The following GEMIN5 variants were observed in gnomAD, a reference collection of about 807,000 sequenced individuals.
GEMIN5 encodes the protein gem nuclear organelle associated protein 5, also known as gem-associated protein 5.
Under a neutral mutation model 176.9 loss-of-function variants are expected in GEMIN5, and 124 were observed. That is an observed-to-expected ratio of 0.70 (90% CI 0.61 to 0.81). The LOEUF is 0.81. Among genes scored for constraint, GEMIN5 ranks in the 40% least tolerant of loss-of-function variants. The probability of loss-of-function intolerance (pLI) is 0.00; values close to 1 mark genes in which losing one functional copy is unlikely to be tolerated. For synonymous variants in GEMIN5, 673 were observed against 665.2 expected, an observed-to-expected ratio of 1.01 and a Z score of -0.18; for missense variants, 1,843 against 1,814.6, an observed-to-expected ratio of 1.02 and a Z score of -0.28.
In GEMIN5 at chr5:154,924,540, T is replaced by G. The variant is rs775881622; in HGVS notation, c.1308A>C (p.Pro436=). ...CAAAAGCTAAGCAACCTTCCTTGGT[T>G]GGGTGCCAGCACAGCTACAAAAAAA... ...KSKVTALCWH[P]TKEGCLAFGT... The change falls in exon 9 of 28, where the codon CCA becomes CCC. Residue 436 remains proline, a synonymous_variant. Transcript: ENST00000285873. 6.2e-7 allele frequency: 1 copy of G among 1,611,262 alleles called. No individual in the cohort carries two copies. Among genetic ancestry groups the G allele is most frequent in the South Asian group, 1.1e-5 (1 of 91,038 alleles).
At chr5:154,901,517 A>C (rs1763465225) in intron 20 of GEMIN5, 31 bp from the exon 21 acceptor site, 2 of 1,610,324 alleles carry the variant, frequency 1.2e-6, no homozygotes, top group East Asian at 4.5e-5. Context: ...GGTTAAAAAA[A>C]CAGTTGAAGA....
intron 6 of GEMIN5, among the ~76,000 whole-genome samples, chr5:154,928,017 A>G (rs369154548): frequency 6.6e-6 from 1 of 152,132 alleles, no homozygotes; most frequent in Non-Finnish European, 1.5e-5. Context: ...TTAATCACAG[A>G]AAGGGGAACC....
intron 15 of GEMIN5, among the ~76,000 whole-genome samples, chr5:154,911,031 T>A (rs1188798143): frequency 6.6e-6 from 1 of 152,138 alleles, no homozygotes; most frequent in African/African-American, 2.4e-5. Context: ...TGTCCCAGAT[T>A]TGGTCAGTGG....
chr5:154,893,268 A>C (rs1763277468), intron 24 of GEMIN5, among the ~76,000 whole-genome samples: 1 of 150,004 alleles, frequency 6.7e-6, no homozygotes. Flanking sequence ...AAAAAAAAAA[A>C]AAAAAAAAAA....
Position 154,907,789 on chromosome 5 carries a change from G to GT in GEMIN5, c.2196dup (p.Arg733ThrfsTer6), listed in dbSNP as rs1294641563. ...GGCTTTGCCTTAGGTTGAGAGAGCCGTTTTTTCTCCAATTCAATACTTTTT... is the reference window on the plus strand; with the variant it reads ...GGCTTTGCCTTAGGTTGAGAGAGCCGTTTTTTTCTCCAATTCAATACTTTTT... On this transcript the variant is annotated frameshift_variant, in exon 16 of 28. Transcript: ENST00000285873. LOFTEE classifies it high-confidence loss of function. The GT allele has an allele frequency of 2.5e-6, 4 of 1,613,326 alleles. No homozygotes were observed. Among genetic ancestry groups the GT allele is most frequent in the South Asian group, 1.1e-5 (1 of 91,026 alleles).
At chr5:154,907,524 A>T in intron 16 of GEMIN5, 67 bp downstream of exon 16, 1 of 1,113,416 alleles carries the variant, frequency 9.0e-7, no homozygotes, top group Non-Finnish European at 1.4e-6. Flanking sequence ...AAACTGAGTA[A>T]GGACCTAGCT....
intron 27 of GEMIN5, 124 bp downstream of exon 27, chr5:154,889,197 C>T: frequency 1.7e-6 from 1 of 594,904 alleles, no homozygotes; most frequent in Non-Finnish European, 3.2e-6. Context: ...TTCTTAAGCA[C>T]ATATGAATGG....
intron 9 of GEMIN5, among the ~76,000 whole-genome samples, chr5:154,923,959 C>A (rs1395543161): frequency 2.0e-5 from 3 of 151,916 alleles, no homozygotes; most frequent in African/African-American, 7.3e-5. Flanking sequence ...GTATATGTAA[C>A]CTAAAGTTTT....
chr5:154,896,933 T>TA (rs1451316976), intron 23 of GEMIN5, among the ~76,000 whole-genome samples: 1 of 152,254 alleles, frequency 6.6e-6, no homozygotes, highest in Non-Finnish European at 1.5e-5. Flanking sequence ...CCTATAACAA[T>TA]ATCTTCTCAG....
chr5:154,902,452 A>T, intron 20 of GEMIN5, 87 bp downstream of exon 20: 1 of 1,226,442 alleles, frequency 8.2e-7, no homozygotes, highest in Non-Finnish European at 1.2e-6. Flanking sequence ...TTTCAAGCTT[A>T]AGACTGTGCT....
At chr5:154,888,420 G>GGTGTTTGTGGCTCTTCTGC in intron 27 of GEMIN5, 43 bp from the exon 28 acceptor site, 1 of 1,574,070 alleles carries the variant, frequency 6.4e-7, no homozygotes, top group Non-Finnish European at 8.7e-7. Flanking sequence ...AGCATTTGCA[G>GGTGTTTGTGGCTCTTCTGC]AAGAGCCACA....
intron 15 of GEMIN5, among the ~76,000 whole-genome samples, chr5:154,908,172 CTTTTTTT>C (rs386405383): frequency 4.1e-5 from 3 of 73,080 alleles, no homozygotes; most frequent in African/African-American, 5.3e-5. Context: ...CCCAGATGTC[CTTTTTTT>C]TTTTTTTTTT....
intron 16 of GEMIN5, among the ~76,000 whole-genome samples, chr5:154,905,700 G>GT (rs112942279): frequency 0.13 from 17,562 of 138,960 alleles, 1,197 homozygotes; most frequent in African/African-American, 0.19. Context: ...TATTACTTTG[G>GT]TTTTTTTTTT....
intron 21 of GEMIN5, among the ~76,000 whole-genome samples, chr5:154,900,834 T>C (rs1339617606): frequency 4.0e-5 from 6 of 151,810 alleles, no homozygotes; most frequent in Non-Finnish European, 8.8e-5. Context: ...CATCTGAGTT[T>C]TGATTTGTTG....
At position 154,905,385 on chromosome 5, in the gene GEMIN5, C is replaced by T. The variant is rs369542296; in HGVS notation, c.2487G>A (p.Lys829=). Residue 829 remains lysine (K), a synonymous_variant, in exon 17 of 28, where the codon AAG becomes AAA. Transcript: ENST00000285873. ...TINNKVILLK[K]EPPKEKPETL... ...AACCTGGCTTCTCTTTTGGTGGCTC[C>T]TTTTTCAGTAAAATGACTTTGTTAT... is the stretch of plus-strand genomic sequence containing the variant. The T allele has an allele frequency of 2.7e-5, 43 of 1,599,086 alleles. No homozygotes were observed. The African/African-American group carries it at 5.4e-4, about 20-fold the overall frequency.
At chr5:154,897,176 C>T (rs946921247) in intron 23 of GEMIN5, among the ~76,000 whole-genome samples, 7 of 152,210 alleles carry the variant, frequency 4.6e-5, no homozygotes, top group South Asian at 4.1e-4. Flanking sequence ...GTCCTATTTT[C>T]ACCTCCATTT....
chr5:154,924,597 G>T, intron 8 of GEMIN5, 43 bp from the exon 9 acceptor site: 4 of 1,204,172 alleles, frequency 3.3e-6, no homozygotes, highest in Non-Finnish European at 4.9e-6. Context: ...AAGAAGTGGG[G>T]CATATAGTTA....
intron 23 of GEMIN5, among the ~76,000 whole-genome samples, chr5:154,898,223 A>G (rs1763394339): frequency 6.6e-6 from 1 of 152,192 alleles, no homozygotes; most frequent in East Asian, 1.9e-4. Context: ...GTACAAACAG[A>G]TAAGCAATGG....
In GEMIN5 at chr5:154,913,389, C is replaced by G. The variant is rs182577490; in HGVS notation, c.1856-351G>C. The stretch of plus-strand genomic sequence containing the variant: ...TAGATTACCACAAGAAGTGTTAGGT[C>G]TCATTATAACTTATAGGATATTCTA... On this transcript the variant is annotated intron_variant, in intron 13 of 27. Transcript: ENST00000285873. Among the ~76,000 whole-genome samples, 127 of 152,296 alleles carry G rather than the reference C, an allele frequency of 8.3e-4. 2 individuals carry two copies. The highest frequency in any genetic ancestry group is 6.8e-3 in the Middle Eastern group (2 of 294).
Sources: allele counts gnomAD v4.1 joint callset (sites outside exome capture counted in the v4.1 genomes callset), GRCh38; gene constraint gnomAD v4.1.1; transcripts MANE v1.5; gene names NCBI Gene and HGNC (gene_info 2026-07-23, HGNC 2026-07-21).